REV1: variants seen among roughly 807,000 people sequenced by gnomAD.
REV1 encodes the protein REV1 DNA directed polymerase.
A neutral mutation model predicts 137.4 loss-of-function variants in REV1; 42 were observed. The ratio of observed to expected loss-of-function variants is 0.31; its 90% CI spans 0.24 to 0.40. REV1 has a LOEUF of 0.40. Among genes scored for constraint, REV1 ranks in the 10% least tolerant of loss-of-function variants. The pLI, the probability that REV1 is intolerant of heterozygous loss-of-function variation, is 1.00. For synonymous variants in REV1, 524 were observed against 519.2 expected, an observed-to-expected ratio of 1.01 and a Z score of -0.12; for missense variants, 1,282 against 1,490.1, an observed-to-expected ratio of 0.86 and a Z score of 2.30.
At chr2:99,415,131 T>C (rs1478272218) in intron 12 of REV1, among the ~76,000 whole-genome samples, 1 of 152,028 alleles carries the variant, frequency 6.6e-6, no homozygotes, top group Admixed American at 6.6e-5. Context: ...GGTGGGAAAA[T>C]TAAACTTGGA....
intron 12 of REV1, among the ~76,000 whole-genome samples, chr2:99,413,848 T>C (rs537491597): frequency 4.6e-5 from 7 of 152,276 alleles, no homozygotes; most frequent in African/African-American, 1.4e-4. Context: ...AAGACAGCGT[T>C]GTGTTTCTGG....
At chr2:99,419,457 G>A (rs565685961) in intron 11 of REV1, among the ~76,000 whole-genome samples, 73 of 152,064 alleles carry the variant, frequency 4.8e-4, no homozygotes, top group African/African-American at 1.6e-3. Context: ...TGATCCACCC[G>A]CCTCAGCCTC....
At chr2:99,408,723 T>C (rs113145753) in intron 14 of REV1, among the ~76,000 whole-genome samples, 1 of 152,198 alleles carries the variant, frequency 6.6e-6, no homozygotes, top group Non-Finnish European at 1.5e-5. Context: ...CACCATTTCC[T>C]TCAGAGCCTT....
chr2:99,487,281 T>C lies in REV1; in HGVS notation c.-11+2536A>G, dbSNP rs761139238. ...GCCCTGATGGCGACTAAGATTCAAA[T>C]GTAAGTGGTTCACAGGATGCTTTTA... is the stretch of plus-strand genomic sequence containing the variant. On this transcript the variant is annotated intron_variant, in intron 1 of 22. Coordinates refer to ENST00000258428, the MANE Select transcript of REV1 (RefSeq NM_016316.4). 4.0e-5 allele frequency among the ~76,000 whole-genome samples: 2 copies of C among 49,890 alleles called. 1 individual carries two copies. Among genetic ancestry groups the C allele is most frequent in the Non-Finnish European group, 9.0e-5 (2 of 22,232 alleles). The allele number at this position is 49,890 out of a possible 152,430, so 32.7% of individuals were successfully genotyped here. A position where few individuals can be genotyped will look rare whatever the true frequency, so the allele number is the denominator to read the frequency against.
At position 99,429,831 on chromosome 2, in the gene REV1, T is replaced by C. The variant is rs199701089; in HGVS notation, c.1547+9A>G. ...TCATTAAGAATTGTAACACACAACTTCTACATACCTGGCCTCATAACTACA... is the reference window on the plus strand; with the variant it reads ...TCATTAAGAATTGTAACACACAACTCCTACATACCTGGCCTCATAACTACA... On this transcript the variant is annotated intron_variant, in intron 9 of 22. Transcript: ENST00000258428. 4.8e-5 allele frequency: 72 copies of C among 1,495,994 alleles called. No individual in the cohort carries two copies. In the African/African-American group the frequency reaches 1.0e-3, roughly 21 times the overall value. 92.7% of individuals were successfully genotyped at this position (1,495,994 alleles called of 1,614,324 possible). A position where few individuals can be genotyped will look rare whatever the true frequency, so the allele number is the denominator to read the frequency against.
chr2:99,432,839 G>T (rs1343363373), intron 8 of REV1, among the ~76,000 whole-genome samples: 1 of 152,194 alleles, frequency 6.6e-6, no homozygotes, highest in Non-Finnish European at 1.5e-5. Flanking sequence ...ACCAATGACA[G>T]TACTGTGTTA....
chr2:99,433,550 A>G (rs967499739), intron 8 of REV1, among the ~76,000 whole-genome samples: 1 of 152,220 alleles, frequency 6.6e-6, no homozygotes, highest in Admixed American at 6.5e-5. Flanking sequence ...CCAACGTTTT[A>G]TAACTGACAA....
intron 22 of REV1, among the ~76,000 whole-genome samples, chr2:99,401,615 C>G (rs1477754240): frequency 1.3e-5 from 2 of 151,988 alleles, no homozygotes; most frequent in Non-Finnish European, 2.9e-5. Flanking sequence ...GGCATGGTGG[C>G]ACATGCCTAT....
chr2:99,412,257 CAAAAAAAAA>C (rs1160440580), intron 13 of REV1, among the ~76,000 whole-genome samples: 1 of 53,028 alleles, frequency 1.9e-5, no homozygotes. Flanking sequence ...GACTCCATCT[CAAAAAAAAA>C]AAAAAAAAAA....
intron 12 of REV1, 23 bp from the exon 13 acceptor site, chr2:99,412,974 G>A (rs777877668): frequency 7.8e-6 from 12 of 1,534,860 alleles, no homozygotes; most frequent in Middle Eastern, 1.7e-4. Context: ...ATATAGTTAA[G>A]TATGCAGAAT....
intron 1 of REV1, 112 bp from the exon 2 acceptor site, chr2:99,465,097 T>TG (rs1684649050): frequency 2.9e-6 from 2 of 688,674 alleles, no homozygotes; most frequent in Non-Finnish European, 4.5e-6. Flanking sequence ...GTCCAACTGA[T>TG]GAAAGTATAC....
At chr2:99,424,421 A>C (rs1679072490) in intron 9 of REV1, 141 bp from the exon 10 acceptor site, 2 of 913,070 alleles carry the variant, frequency 2.2e-6, no homozygotes, top group Admixed American at 3.0e-5. Context: ...AAAGATAGGC[A>C]TTAAAATTTA....
In REV1 at chr2:99,434,442, G is replaced by A; in HGVS notation, c.1328C>T (p.Pro443Leu). The change falls in exon 8 of 23, where the codon CCA (proline) becomes CTA (leucine). Residue 443 changes from proline (P) to leucine (L), a missense_variant. Coordinates refer to ENST00000258428, the MANE Select transcript of REV1 (RefSeq NM_016316.4). ...GCCTCTGTTACTTGTAACAGCCACTGGTTTTCCTGTGAGGAAAATATTAAA... is the reference window on the plus strand; with the variant it reads ...GCCTCTGTTACTTGTAACAGCCACTAGTTTTCCTGTGAGGAAAATATTAAA... ...IRNRPDLKGKPVAVTSNRGTG... is the reference protein window; with the variant it reads ...IRNRPDLKGKLVAVTSNRGTG... The A allele has an allele frequency of 1.3e-6, 2 of 1,592,260 alleles. No homozygotes were observed. The highest frequency in any genetic ancestry group is 1.4e-5 in the African/African-American group (1 of 73,906).
intron 1 of REV1, among the ~76,000 whole-genome samples, chr2:99,478,780 A>G (rs548820219): frequency 1.4e-4 from 22 of 152,262 alleles, no homozygotes; most frequent in Admixed American, 1.0e-3. Context: ...CCCAACTCCA[A>G]CGTTTCTGAT....
At chr2:99,455,576 T>C (rs988152388) in intron 3 of REV1, among the ~76,000 whole-genome samples, 1 of 152,224 alleles carries the variant, frequency 6.6e-6, no homozygotes, top group Non-Finnish European at 1.5e-5. Flanking sequence ...CATAAATTAA[T>C]ATGGTAAGTC....
chr2:99,410,633 T>G (rs562511927), intron 14 of REV1, 62 bp downstream of exon 14: 1 of 1,389,352 alleles, frequency 7.2e-7, no homozygotes, highest in Non-Finnish European at 9.8e-7. Flanking sequence ...CTTCATTTTC[T>G]ATTACTTACA....
At chr2:99,423,896 T>A (rs941115298) in intron 10 of REV1, among the ~76,000 whole-genome samples, 4 of 152,262 alleles carry the variant, frequency 2.6e-5, no homozygotes, top group Admixed American at 2.6e-4. Context: ...AGAAGTAATA[T>A]AAGCAAATAA....
chr2:99,476,640 G>C (rs1048526519), intron 1 of REV1, among the ~76,000 whole-genome samples: 2 of 152,080 alleles, frequency 1.3e-5, no homozygotes, highest in Admixed American at 1.3e-4. Flanking sequence ...AGATAGTTTT[G>C]CACTGTGATT....
intron 22 of REV1, 92 bp from the exon 23 acceptor site, chr2:99,401,444 A>C (rs894092598): frequency 1.8e-5 from 3 of 168,654 alleles, no homozygotes; most frequent in African/African-American, 9.9e-5. Context: ...TGACTTTGGC[A>C]AAAAAAAAAA....
Sources: allele counts gnomAD v4.1 joint callset (sites outside exome capture counted in the v4.1 genomes callset), GRCh38; gene constraint gnomAD v4.1.1; transcripts MANE v1.5; gene names NCBI Gene and HGNC (gene_info 2026-07-23, HGNC 2026-07-21).